The following BRD3 variants were observed in gnomAD, a reference collection of about 807,000 sequenced individuals.
BRD3 encodes the protein bromodomain-containing protein 3.
BRD3 carries 17 observed loss-of-function variants against 66.8 expected under a neutral mutation model. The ratio of observed to expected loss-of-function variants is 0.25; its 90% CI spans 0.17 to 0.38. The LOEUF is 0.38. Among genes scored for constraint, BRD3 ranks in the 10% least tolerant of loss-of-function variants. BRD3 has a pLI of 1.00. For missense variants in BRD3, 713 were observed against 956.1 expected, an observed-to-expected ratio of 0.75 and a Z score of 3.35; for synonymous variants, 421 against 393.2, an observed-to-expected ratio of 1.07 and a Z score of -0.84.
intron 7 of BRD3, among the ~76,000 whole-genome samples, chr9:134,044,376 C>A (rs1830122719): frequency 6.6e-6 from 1 of 152,154 alleles, no homozygotes; most frequent in South Asian, 2.1e-4. Context: ...GTGTCATCCA[C>A]AATAATACCA....
Position 134,050,532 on chromosome 9 carries a change from C to T in BRD3, c.556G>A (p.Val186Met), listed in dbSNP as rs997292356. 4 of 1,603,682 alleles carry T rather than the reference C, an allele frequency of 2.5e-6. No individual in the cohort carries two copies. Among genetic ancestry groups the T allele is most frequent in the Admixed American group, 1.7e-5 (1 of 59,316 alleles). Residue 186 changes from valine to methionine, a missense_variant, in exon 5 of 12, where the codon GTG becomes ATG. Physicochemically the swap from Val to Met is conservative, Grantham distance 21. This residue lies in a region of BRD3 where 120 missense variants were observed against 122.8 expected (regional missense o/e 0.98). Transcript: ENST00000303407. ...GGCGTCTGGGAGACGGTGGGGGGCACGCTCTGAAAGGGGGTCGCTGGGGAG... is the reference window on the plus strand; with the variant it reads ...GGCGTCTGGGAGACGGTGGGGGGCATGCTCTGAAAGGGGGTCGCTGGGGAG... Reference protein sequence around the residue: ...SVSPATPFQSVPPTVSQTPVI... With the variant: ...SVSPATPFQSMPPTVSQTPVI...
At chr9:134,053,730 AC>A in intron 1 of BRD3, 140 bp from the exon 2 acceptor site, 2 of 714,072 alleles carry the variant, frequency 2.8e-6, no homozygotes, top group Non-Finnish European at 4.3e-6. Context: ...TTGCCCAGCC[AC>A]CCAGGTGAGA....
intron 1 of BRD3, among the ~76,000 whole-genome samples, chr9:134,065,677 T>C (rs1467347931): frequency 1.3e-5 from 2 of 152,130 alleles, no homozygotes; most frequent in African/African-American, 2.4e-5. Flanking sequence ...CAGCAAAACA[T>C]GGCTCTTCCC....
chr9:134,065,253 T>A (rs573329432), intron 1 of BRD3, among the ~76,000 whole-genome samples: 1 of 152,204 alleles, frequency 6.6e-6, no homozygotes, highest in South Asian at 2.1e-4. Context: ...TGAAACCCTG[T>A]CTCTACTAAA....
intron 8 of BRD3, 69 bp from the exon 9 acceptor site, chr9:134,040,338 G>A (rs1830018283): frequency 2.6e-6 from 4 of 1,509,500 alleles, no homozygotes; most frequent in Non-Finnish European, 3.6e-6. Flanking sequence ...GTGGCGCCCT[G>A]GGATTGGAGG....
chr9:134,037,715 TA>T (rs1173120138), intron 9 of BRD3, among the ~76,000 whole-genome samples: 11 of 146,588 alleles, frequency 7.5e-5, no homozygotes, highest in Non-Finnish European at 9.1e-5. Context: ...AAATTTTTTT[TA>T]AAAACATCAA....
At chr9:134,042,646 T>TACACAC (rs149487771) in intron 7 of BRD3, among the ~76,000 whole-genome samples, 3 of 134,764 alleles carry the variant, frequency 2.2e-5, no homozygotes, top group South Asian at 2.3e-4. Context: ...CAAATATATA[T>TACACAC]ACACACACAC....
At chr9:134,053,058 G>A (rs1830337225) in intron 2 of BRD3, among the ~76,000 whole-genome samples, 1 of 152,298 alleles carries the variant, frequency 6.6e-6, no homozygotes, top group Non-Finnish European at 1.5e-5. Context: ...CCTATTTCCT[G>A]CACCTGGGGC....
Position 134,053,245 on chromosome 9 carries a change from G to C in BRD3, c.213+20C>G. On this transcript the variant is annotated intron_variant, in intron 2 of 11. Transcript: ENST00000303407. ...CGGCAGCAGCAGAACGTGGCTCTTG[G>C]GGAGGCAGCAGCTACGCACCGGCAG... 6.2e-7 allele frequency: 1 copy of C among 1,612,580 alleles called. No individual in the cohort carries two copies. Among genetic ancestry groups the C allele is most frequent in the East Asian group, 2.2e-5 (1 of 44,858 alleles).
chr9:134,063,628 G>C (rs1246149539), intron 1 of BRD3, among the ~76,000 whole-genome samples: 2 of 152,160 alleles, frequency 1.3e-5, no homozygotes, highest in Non-Finnish European at 2.9e-5. Flanking sequence ...ATCTCGGTCA[G>C]TGCTCACACG....
rs1051467 is a variant in BRD3, at chr9:134,033,114, G to A, written c.*476C>T. 0.075 allele frequency: 30,009 copies of A among 399,374 alleles called. 1,221 individuals are homozygous for A. Among genetic ancestry groups the A allele is most frequent in the African/African-American group, 0.11 (5,280 of 48,706 alleles). 24.7% of individuals were successfully genotyped at this position (399,374 alleles called of 1,614,324 possible). A position where few individuals can be genotyped will look rare whatever the true frequency, so the allele number is the denominator to read the frequency against. ...TCAGCCCCTCCAGAAAGAGGTGGCC[G>A]CGTCAGACACGAGGGTCAGAGCTCG... On this transcript the variant is annotated 3_prime_UTR_variant, in exon 12 of 12. Transcript: ENST00000303407. The surrounding 1 kb of genome is among the most constrained non-coding windows in gnomAD (Gnocchi z 5.1).
chr9:134,049,115 G>A (rs924466106), intron 5 of BRD3, among the ~76,000 whole-genome samples: 5 of 152,160 alleles, frequency 3.3e-5, no homozygotes, highest in African/African-American at 1.2e-4. Flanking sequence ...AAGGAGAGGA[G>A]GGAGATGACC....
Position 134,034,707 on chromosome 9 carries a change from G to A in BRD3, c.2059C>T (p.Arg687Trp), listed in dbSNP as rs777566558. 2.0e-5 allele frequency: 32 copies of A among 1,604,658 alleles called. No homozygotes were observed. The highest frequency in any genetic ancestry group is 6.7e-5 in the East Asian group (3 of 44,876). Residue 687 changes from arginine to tryptophan, a missense_variant, in exon 11 of 12, where the codon CGG (arginine) becomes TGG (tryptophan). This residue lies in a region of BRD3 where 42 missense variants were observed against 29.2 expected (regional missense o/e 1.44). Coordinates refer to ENST00000303407, the MANE Select transcript of BRD3 (RefSeq NM_007371.4). ...CAGCGGCCGCCAGCGGTACCTTTCC[G>A]GGCGGGCTTCTTGCTGCTGCTCAGC... ...GQLSSSKKPA[R>W]KEKPGSAPSG... is the part of the protein sequence containing the mutation.
intron 8 of BRD3, among the ~76,000 whole-genome samples, chr9:134,040,549 G>A (rs1204283472): frequency 2.0e-5 from 3 of 152,226 alleles, no homozygotes; most frequent in African/African-American, 7.2e-5. Flanking sequence ...ACTCGGTGAG[G>A]GCAGCTAACT....
chr9:134,064,522 CAG>C (rs1267656102), intron 1 of BRD3, among the ~76,000 whole-genome samples: 9 of 152,052 alleles, frequency 5.9e-5, no homozygotes, highest in Non-Finnish European at 8.8e-5. Flanking sequence ...GCCTGGGCAA[CAG>C]AGTGATACTC....
rs1461605749 is a variant in BRD3, at chr9:134,033,617, G to A, written c.2154C>T (p.Ser718=). 1.3e-6 allele frequency: 1 copy of A among 770,406 alleles called. No homozygotes were observed. The highest frequency in any genetic ancestry group is 2.4e-6 in the Non-Finnish European group (1 of 412,936). The allele number at this position is 770,406 out of a possible 1,614,324, so 47.7% of individuals were successfully genotyped here. A position where few individuals can be genotyped will look rare whatever the true frequency, so the allele number is the denominator to read the frequency against. Reference sequence around the variant, plus strand: ...ATTCTGAGTCACTGCTGTCAGAGCTGGACCCGCTGGAGCTGCTGCTCCCAG... The same window carrying A: ...ATTCTGAGTCACTGCTGTCAGAGCTAGACCCGCTGGAGCTGCTGCTCCCAG... ...SESGSSSSSG[S]SSDSSDSE is the part of the protein sequence containing the mutation. Residue 718 remains serine, a synonymous_variant, in exon 12 of 12, where the codon TCC becomes TCT. Coordinates refer to ENST00000303407, the MANE Select transcript of BRD3 (RefSeq NM_007371.4). This position sits in a 1 kb window ranked among gnomAD's most constrained non-coding sequence, Gnocchi z 5.1.
In BRD3 at chr9:134,048,483, C is replaced by T. The variant is rs202214451; in HGVS notation, c.715-29G>A. ...CGACAGTGAAATAACCAGTGAACCC[C>T]GGAAACCAGGGGCCCCGAAGACGCA... On this transcript the variant is annotated intron_variant, in intron 5 of 11. Coordinates refer to ENST00000303407, the MANE Select transcript of BRD3 (RefSeq NM_007371.4). 2.1e-4 allele frequency: 334 copies of T among 1,597,212 alleles called. No individual in the cohort carries two copies. The highest frequency in any genetic ancestry group is 2.7e-4 in the Non-Finnish European group (316 of 1,179,258).
intron 6 of BRD3, among the ~76,000 whole-genome samples, chr9:134,047,254 C>T (rs910505179): frequency 2.0e-5 from 3 of 152,260 alleles, no homozygotes; most frequent in African/African-American, 4.8e-5. Flanking sequence ...AAACAACTGC[C>T]CAACAGGGCT....
chr9:134,046,940 G>A (rs969174356), intron 6 of BRD3, among the ~76,000 whole-genome samples: 1 of 152,246 alleles, frequency 6.6e-6, no homozygotes, highest in African/African-American at 2.4e-5. Context: ...AACCCCCCAT[G>A]ATGTTCCAGA....
Sources: allele counts gnomAD v4.1 joint callset (sites outside exome capture counted in the v4.1 genomes callset), GRCh38; gene constraint gnomAD v4.1.1; regional missense constraint gnomAD v4.1.1; non-coding constraint Gnocchi (gnomAD v3.1); transcripts MANE v1.5; gene names NCBI Gene and HGNC (gene_info 2026-07-23, HGNC 2026-07-21).